Variants in INSL6 observed in about 807,000 individuals in gnomAD.
INSL6 encodes the protein insulin like 6.
INSL6 carries 16 observed loss-of-function variants against 9.4 expected under a neutral mutation model. That is an observed-to-expected ratio of 1.70 (90% CI 1.15 to 2.59). The LOEUF is 2.59. INSL6 is among the 30% of genes most tolerant of loss of function. The pLI is 0.00. For missense variants in INSL6, 391 were observed against 257.3 expected (o/e 1.52, Z -3.56); for synonymous variants, 154 against 96.9 (o/e 1.59, Z -3.46).
the INSL6 span, chr9:5,114,568 A>C: frequency 4.1e-6 from 2 of 489,786 alleles, no homozygotes; most frequent in African/African-American, 3.9e-5. Flanking sequence ...CTGATCCAGA[A>C]CTTCTGGCCC....
intron 2 of INSL6, among the ~76,000 whole-genome samples, chr9:5,146,969 G>A (rs1229236076): frequency 4.6e-5 from 7 of 152,232 alleles, no homozygotes; most frequent in Non-Finnish European, 7.4e-5. Flanking sequence ...AGCAAGGAGC[G>A]TTCAGGTAGG....
At chr9:5,133,846 T>C (rs1052698531) in intron 2 of INSL6, among the ~76,000 whole-genome samples, 4 of 151,672 alleles carry the variant, frequency 2.6e-5, no homozygotes, top group African/African-American at 7.3e-5. Flanking sequence ...GAGAATGAGG[T>C]TGATGAATTG....
chr9:5,163,527 C>T (rs577465327), downstream of INSL6, among the ~76,000 whole-genome samples: 25 of 152,062 alleles, frequency 1.6e-4, no homozygotes, highest in Non-Finnish European at 7.4e-5. Flanking sequence ...ACAGATGGGT[C>T]GACATCTTGG....
intron 1 of INSL6, among the ~76,000 whole-genome samples, chr9:5,182,354 A>G (rs1825476418): frequency 1.3e-5 from 2 of 152,154 alleles, no homozygotes; most frequent in Admixed American, 1.3e-4. Context: ...ATAAAAACAA[A>G]AAATATATAA....
At chr9:5,120,942 T>C (rs377064869), downstream of INSL6, among the ~76,000 whole-genome samples, 9 of 152,312 alleles carry the variant, frequency 5.9e-5, no homozygotes, top group African/African-American at 2.2e-4. Context: ...AATGTGGAAA[T>C]GTTCTAAAAG....
At chr9:5,151,505 C>T (rs963558435) in intron 2 of INSL6, among the ~76,000 whole-genome samples, 5 of 151,234 alleles carry the variant, frequency 3.3e-5, no homozygotes, top group East Asian at 1.9e-4. Flanking sequence ...AAAAAATGGA[C>T]GGGGGGTGGG....
chr9:5,134,032 G>T (rs919954037), intron 2 of INSL6, among the ~76,000 whole-genome samples: 1 of 152,148 alleles, frequency 6.6e-6, no homozygotes, highest in South Asian at 2.1e-4. Context: ...AACAGCACGA[G>T]AACTTCATGA....
At chr9:5,182,932 G>GA (rs1267780360) in intron 1 of INSL6, among the ~76,000 whole-genome samples, 2 of 151,994 alleles carry the variant, frequency 1.3e-5, no homozygotes, top group Non-Finnish European at 2.9e-5. Flanking sequence ...AAGTAGCTTT[G>GA]AAAAAAAGCA....
At chr9:5,065,993 ACTC>A in the INSL6 span, among the ~76,000 whole-genome samples, 1 of 151,854 alleles carries the variant, frequency 6.6e-6, no homozygotes, top group Admixed American at 6.6e-5. Flanking sequence ...TATTTTTAAA[ACTC>A]CTTGCCTTTA....
chr9:5,074,090 G>A, the INSL6 span, among the ~76,000 whole-genome samples: 24 of 151,956 alleles, frequency 1.6e-4, no homozygotes, highest in African/African-American at 5.3e-4. Flanking sequence ...ACATAACATT[G>A]GAATAACTGG....
the INSL6 span, among the ~76,000 whole-genome samples, chr9:5,019,349 A>G: frequency 5.3e-5 from 8 of 152,206 alleles, 1 homozygote; most frequent in Admixed American, 5.2e-4. Flanking sequence ...TATTTCATTA[A>G]ATGAATTCTT....
intron 1 of INSL6, among the ~76,000 whole-genome samples, chr9:5,175,052 G>A (rs1380986366): frequency 6.6e-6 from 1 of 151,386 alleles, no homozygotes; most frequent in African/African-American, 2.4e-5. Context: ...CCATTCTCCT[G>A]CCTCAGTCTC....
chr9:4,997,554 C>T, the INSL6 span, among the ~76,000 whole-genome samples: 1 of 152,178 alleles, frequency 6.6e-6, no homozygotes, highest in Non-Finnish European at 1.5e-5. Context: ...AATCCACCCC[C>T]ATGATCAAGT....
the INSL6 span, chr9:5,111,047 GA>G: frequency 2.0e-6 from 2 of 984,996 alleles, no homozygotes; most frequent in Non-Finnish European, 3.0e-6. Flanking sequence ...GCGCAATTCA[GA>G]GGTTCAGGTC....
the INSL6 span, among the ~76,000 whole-genome samples, chr9:4,992,961 C>G: frequency 1.3e-5 from 2 of 152,248 alleles, no homozygotes; most frequent in African/African-American, 4.8e-5. Flanking sequence ...TTATCTCCCC[C>G]ACCCCTGCAC....
At chr9:5,160,346 G>C (rs1586868831), downstream of INSL6, among the ~76,000 whole-genome samples, 1 of 152,076 alleles carries the variant, frequency 6.6e-6, no homozygotes. Flanking sequence ...GCTCCTGAAT[G>C]ACCAGTGGTC....
the INSL6 span, among the ~76,000 whole-genome samples, chr9:5,006,398 A>G: frequency 1.3e-5 from 2 of 151,950 alleles, no homozygotes; most frequent in East Asian, 1.9e-4. Context: ...GGGCTGAGAC[A>G]ATGGGGTTTT....
At chr9:5,168,411 C>A (rs532782912) in intron 1 of INSL6, among the ~76,000 whole-genome samples, 4 of 152,014 alleles carry the variant, frequency 2.6e-5, no homozygotes, top group South Asian at 4.2e-4. Context: ...AAACACAACA[C>A]GTGAACTTCA....
chr9:5,174,494 T>A (rs574969942), intron 1 of INSL6, among the ~76,000 whole-genome samples: 1 of 152,290 alleles, frequency 6.6e-6, no homozygotes, highest in East Asian at 1.9e-4. Context: ...GATATCACAC[T>A]CTCTTTTCTT....
Sources: allele counts gnomAD v4.1 joint callset (sites outside exome capture counted in the v4.1 genomes callset), GRCh38; gene constraint gnomAD v4.1.1; transcripts MANE v1.5; gene names NCBI Gene and HGNC (gene_info 2026-07-23, HGNC 2026-07-21).